The following WARS2 variants were observed in gnomAD, a reference collection of about 807,000 sequenced individuals.
The protein encoded by WARS2 is tryptophan--tRNA ligase, mitochondrial.
Under a neutral mutation model 36.5 loss-of-function variants are expected in WARS2, and 28 were observed. The observed-to-expected ratio is 0.77, with a 90% confidence interval of 0.57 to 1.05. WARS2 has a LOEUF of 1.05. Ranked by LOEUF, WARS2 falls within the 50% of genes least tolerant of loss-of-function variation. The probability of loss-of-function intolerance (pLI) is 0.00; values close to 1 mark genes in which losing one functional copy is unlikely to be tolerated. For synonymous variants in WARS2, 174 were observed against 178.4 expected (o/e 0.98, Z 0.20); for missense variants, 435 against 456.8 (o/e 0.95, Z 0.44).
chr1:119,138,623 T>C (rs1656683303), intron 1 of WARS2, among the ~76,000 whole-genome samples: 1 of 152,186 alleles, frequency 6.6e-6, no homozygotes, highest in Non-Finnish European at 1.5e-5. Context: ...AACACTTATA[T>C]ATAAACATAA....
intron 1 of WARS2, among the ~76,000 whole-genome samples, chr1:119,131,847 T>C (rs1656138800): frequency 6.6e-6 from 1 of 151,972 alleles, no homozygotes; most frequent in African/African-American, 2.4e-5. Context: ...AACAACATAA[T>C]TAGAGCTCTG....
chr1:119,111,848 T>G (rs1436734577), intron 1 of WARS2, among the ~76,000 whole-genome samples: 2 of 152,148 alleles, frequency 1.3e-5, no homozygotes, highest in East Asian at 3.8e-4. Flanking sequence ...TCTCCAATTT[T>G]GGGGGGCAGA....
At chr1:119,125,451 T>A (rs1464964934) in intron 1 of WARS2, among the ~76,000 whole-genome samples, 3 of 152,246 alleles carry the variant, frequency 2.0e-5, no homozygotes, top group Non-Finnish European at 4.4e-5. Context: ...GAATTTAAGA[T>A]TTCTGCTTTG....
At chr1:119,129,776 T>C (rs1367585055) in intron 1 of WARS2, among the ~76,000 whole-genome samples, 1 of 151,938 alleles carries the variant, frequency 6.6e-6, no homozygotes, top group Admixed American at 6.6e-5. Context: ...ACAGATATGA[T>C]ATAGCACAAT....
intron 2 of WARS2, among the ~76,000 whole-genome samples, chr1:119,067,581 T>C (rs1292640401): frequency 1.3e-5 from 2 of 152,214 alleles, no homozygotes; most frequent in Non-Finnish European, 2.9e-5. Flanking sequence ...ACTCTACCCT[T>C]ATATAAATCC....
At chr1:119,076,178 C>T (rs1157228933) in intron 2 of WARS2, among the ~76,000 whole-genome samples, 172 bp downstream of exon 2, 1 of 152,126 alleles carries the variant, frequency 6.6e-6, no homozygotes, top group Non-Finnish European at 1.5e-5. Flanking sequence ...TATAATGATA[C>T]TTAATGATAT....
chr1:119,063,632 C>T (rs930140519), intron 2 of WARS2: 2 of 152,162 alleles, frequency 1.3e-5, no homozygotes, highest in African/African-American at 4.8e-5. Context: ...CGCACTGTGT[C>T]CTAGCCACTC....
chr1:119,137,700 C>T (rs1656611446), intron 1 of WARS2, among the ~76,000 whole-genome samples: 1 of 152,182 alleles, frequency 6.6e-6, no homozygotes, highest in Non-Finnish European at 1.5e-5. Flanking sequence ...CTACGCTCAT[C>T]TTGTCAGATT....
Position 119,076,542 on chromosome 1 carries a change from G to A in WARS2, c.156C>T (p.Tyr52=), listed in dbSNP as rs1163806887. Residue 52 remains tyrosine, a synonymous_variant, in exon 2 of 6, where the codon TAC becomes TAT. Coordinates refer to ENST00000235521, the MANE Select transcript of WARS2 (RefSeq NM_015836.4). The stretch of plus-strand genomic sequence containing the variant: ...TCACCCAGCTCTCAATGGCTCCCAG[G>A]TAATTGCCCAGGTGGAGGATTCCTG... ...QPTGILHLGN[Y]LGAIESWVRL... 10 of 1,614,040 alleles carry A rather than the reference G, an allele frequency of 6.2e-6. No individual in the cohort carries two copies. The African/African-American group carries it at 8.0e-5, about 13-fold the overall frequency.
intron 1 of WARS2, among the ~76,000 whole-genome samples, chr1:119,090,566 T>C (rs1296258676): frequency 6.6e-6 from 1 of 152,178 alleles, no homozygotes; most frequent in African/African-American, 2.4e-5. Context: ...CATTTTTCTG[T>C]CACCAAATTT....
intron 1 of WARS2, among the ~76,000 whole-genome samples, chr1:119,111,371 G>A (rs190912363): frequency 7.8e-4 from 118 of 152,200 alleles, no homozygotes; most frequent in African/African-American, 2.7e-3. Flanking sequence ...AGTGCTTTTC[G>A]GCTTATTTTT....
chr1:119,058,424 C>G, intron 2 of WARS2, among the ~76,000 whole-genome samples: 1 of 141,468 alleles, frequency 7.1e-6, no homozygotes, highest in African/African-American at 2.9e-5. Context: ...CGTCATCTAG[C>G]ATTAGGTATA....
chr1:119,115,319 A>G (rs968488619), intron 1 of WARS2, among the ~76,000 whole-genome samples: 1 of 152,152 alleles, frequency 6.6e-6, no homozygotes, highest in African/African-American at 2.4e-5. Flanking sequence ...CTATGATGGA[A>G]GCATCCTAGC....
chr1:119,069,636 T>C (rs1043052837), intron 2 of WARS2, among the ~76,000 whole-genome samples: 3 of 152,188 alleles, frequency 2.0e-5, no homozygotes, highest in South Asian at 4.1e-4. Flanking sequence ...CTGAGTGGTG[T>C]AGTAGAAGAA....
chr1:119,129,779 A>G (rs587618443), intron 1 of WARS2, among the ~76,000 whole-genome samples: 4 of 152,338 alleles, frequency 2.6e-5, no homozygotes, highest in African/African-American at 9.6e-5. Context: ...GATATGATAT[A>G]GCACAATTAA....
intron 1 of WARS2, among the ~76,000 whole-genome samples, chr1:119,098,324 G>A (rs1653598677): frequency 6.6e-6 from 1 of 152,172 alleles, no homozygotes. Flanking sequence ...GTGCTTAAAA[G>A]CTACCTCATA....
chr1:119,047,348 T>A (rs961527805), intron 2 of WARS2: 1 of 152,150 alleles, frequency 6.6e-6, no homozygotes, highest in Non-Finnish European at 1.5e-5. Flanking sequence ...ACCATGGATA[T>A]GTGGAAGGAG....
intron 1 of WARS2, among the ~76,000 whole-genome samples, chr1:119,101,057 G>T (rs1206795261): frequency 6.6e-6 from 1 of 152,180 alleles, no homozygotes; most frequent in African/African-American, 2.4e-5. Context: ...GACTGGGAGG[G>T]ATGAGTGTGG....
At chr1:119,089,098 T>C (rs1420526916) in intron 1 of WARS2, among the ~76,000 whole-genome samples, 1 of 152,220 alleles carries the variant, frequency 6.6e-6, no homozygotes, top group Admixed American at 6.5e-5. Context: ...TTCTGAACCT[T>C]TGAGAGACAG....
Sources: gnomAD v4.1 joint callset for allele counts (sites outside exome capture counted in the v4.1 genomes callset) on GRCh38, gnomAD v4.1.1 for gene constraint, MANE v1.5 for transcripts, NCBI Gene and HGNC (gene_info 2026-07-23, HGNC 2026-07-21) for gene names.